Variants in MCPH1 observed in about 807,000 individuals in gnomAD.
MCPH1 encodes microcephalin 1, also known as microcephalin.
A neutral mutation model predicts 84.5 loss-of-function variants in MCPH1; 104 were observed. The ratio of observed to expected loss-of-function variants is 1.23; its 90% CI spans 1.05 to 1.45. The LOEUF is 1.45. MCPH1 is among the 40% of genes most tolerant of loss of function. MCPH1 has a pLI of 0.00. For synonymous variants in MCPH1, 514 were observed against 366.8 expected (o/e 1.40, Z -4.58); for missense variants, 1,498 against 1,005.7 (o/e 1.49, Z -6.62).
chr8:6,435,856 A>C (rs1053211304), intron 4 of MCPH1, among the ~76,000 whole-genome samples, 192 bp from the exon 5 acceptor site: 1 of 152,216 alleles, frequency 6.6e-6, no homozygotes, highest in Non-Finnish European at 1.5e-5. Flanking sequence ...AGTCTTTTAA[A>C]TTCTGTCCAT....
intron 4 of MCPH1, among the ~76,000 whole-genome samples, chr8:6,433,212 G>A (rs991695591): frequency 2.6e-5 from 4 of 152,032 alleles, no homozygotes; most frequent in Non-Finnish European, 5.9e-5. Flanking sequence ...GTCAGTTTTT[G>A]CTAAGTATAT....
chr8:6,610,140 C>T (rs1482127528), intron 12 of MCPH1, among the ~76,000 whole-genome samples: 1 of 152,214 alleles, frequency 6.6e-6, no homozygotes, highest in Non-Finnish European at 1.5e-5. Flanking sequence ...TTGACATCCT[C>T]TTGTCTCCAT....
chr8:6,553,184 C>T (rs569984600), intron 12 of MCPH1, among the ~76,000 whole-genome samples: 1 of 152,216 alleles, frequency 6.6e-6, no homozygotes, highest in African/African-American at 2.4e-5. Context: ...GGGGAGGTGG[C>T]TGTGTGTGTG....
At chr8:6,558,411 T>C (rs923666771) in intron 12 of MCPH1, among the ~76,000 whole-genome samples, 2 of 152,250 alleles carry the variant, frequency 1.3e-5, no homozygotes, top group African/African-American at 2.4e-5. Context: ...TGATTTGAAC[T>C]CTTGTTTTTC....
intron 12 of MCPH1, chr8:6,513,907 G>C: frequency 6.9e-7 from 1 of 1,440,432 alleles, no homozygotes; most frequent in Non-Finnish European, 9.5e-7. Flanking sequence ...ATTTGAAGTG[G>C]ATAGTCCGTC....
intron 9 of MCPH1, among the ~76,000 whole-genome samples, chr8:6,470,551 C>A (rs563513772): frequency 6.6e-6 from 1 of 152,340 alleles, no homozygotes; most frequent in South Asian, 2.1e-4. Context: ...TCCCAAAGTG[C>A]TGGGATTACA....
chr8:6,603,379 G>A (rs550257039), intron 12 of MCPH1, among the ~76,000 whole-genome samples: 2 of 152,256 alleles, frequency 1.3e-5, no homozygotes, highest in South Asian at 4.2e-4. Context: ...TATTTTGATT[G>A]AGGTGTTATT....
intron 12 of MCPH1, chr8:6,514,727 G>A (rs1162368640): frequency 6.2e-7 from 1 of 1,613,836 alleles, no homozygotes; most frequent in Non-Finnish European, 8.5e-7. Flanking sequence ...CCATCCTCAC[G>A]TCGCTGAATA....
intron 13 of MCPH1, chr8:6,622,249 G>A (rs919133502): frequency 1.8e-5 from 3 of 169,920 alleles, no homozygotes; most frequent in South Asian, 3.0e-4. Flanking sequence ...ATGGAGCTGC[G>A]CCAGGCGCCG....
chr8:6,607,904 T>G (rs1376804971), intron 12 of MCPH1, among the ~76,000 whole-genome samples: 1 of 152,214 alleles, frequency 6.6e-6, no homozygotes, highest in Admixed American at 6.5e-5. Flanking sequence ...AACGGACTAA[T>G]ACACCTACCA....
intron 3 of MCPH1, among the ~76,000 whole-genome samples, chr8:6,424,474 C>T (rs1800755490): frequency 6.6e-6 from 1 of 152,170 alleles, no homozygotes; most frequent in African/African-American, 2.4e-5. Context: ...CCGGAATCCT[C>T]AGACTCCATT....
intron 13 of MCPH1, among the ~76,000 whole-genome samples, chr8:6,633,307 CTG>C (rs1238201280): frequency 6.6e-6 from 1 of 152,220 alleles, no homozygotes; most frequent in African/African-American, 2.4e-5. Context: ...AGTCAATAAA[CTG>C]TTACAACTCA....
At chr8:6,538,511 G>C (rs1207591003) in intron 12 of MCPH1, among the ~76,000 whole-genome samples, 1 of 152,116 alleles carries the variant, frequency 6.6e-6, no homozygotes, top group Non-Finnish European at 1.5e-5. Flanking sequence ...CTCCTGACTG[G>C]CGCCCCTGAT....
chr8:6,437,280 G>C (rs1802792561), intron 5 of MCPH1, among the ~76,000 whole-genome samples: 1 of 151,816 alleles, frequency 6.6e-6, no homozygotes, highest in Admixed American at 6.6e-5. Context: ...CACCAGGCTG[G>C]AGTGCAGTGG....
At chr8:6,604,537 C>G (rs1033567777) in intron 12 of MCPH1, among the ~76,000 whole-genome samples, 4 of 152,248 alleles carry the variant, frequency 2.6e-5, no homozygotes, top group African/African-American at 7.2e-5. Context: ...CGGAGTCTCA[C>G]TCTATCGCCC....
chr8:6,473,005 C>G (rs1031410746), intron 9 of MCPH1, among the ~76,000 whole-genome samples: 17 of 152,080 alleles, frequency 1.1e-4, no homozygotes, highest in African/African-American at 4.1e-4. Context: ...CTTGAATACT[C>G]AAGGGTAAAA....
chr8:6,446,066 CT>C (rs1190751715), intron 8 of MCPH1: 11 of 980,314 alleles, frequency 1.1e-5, no homozygotes, highest in Non-Finnish European at 6.1e-6. Context: ...TCAGTGTTAA[CT>C]ATGAAGAAAC....
In MCPH1 at chr8:6,581,634, G is replaced by C. The variant is rs546948543; in HGVS notation, c.2215-39820G>C. ...TGAAGAAAACACGCAGACTGTGTGT[G>C]GCTAAATCTTTAGTACCTCATTTCC... On this transcript the variant is annotated intron_variant, in intron 12 of 13. Coordinates refer to ENST00000344683, the MANE Select transcript of MCPH1 (RefSeq NM_024596.5). 2.0e-5 allele frequency among the ~76,000 whole-genome samples: 3 copies of C among 152,278 alleles called. No homozygotes were observed. The East Asian group carries it at 5.8e-4, about 29-fold the overall frequency.
intron 12 of MCPH1, among the ~76,000 whole-genome samples, chr8:6,531,567 C>A (rs957664044): frequency 6.6e-6 from 1 of 152,190 alleles, no homozygotes. Flanking sequence ...GCTGGAATTA[C>A]AGGCGTGAGC....
Sources: allele counts gnomAD v4.1 joint callset (sites outside exome capture counted in the v4.1 genomes callset), GRCh38; gene constraint gnomAD v4.1.1; transcripts MANE v1.5; gene names NCBI Gene and HGNC (gene_info 2026-07-23, HGNC 2026-07-21).